Variants in KCNG3 observed in about 807,000 individuals in gnomAD.
KCNG3 encodes the protein voltage-gated potassium channel regulatory subunit KCNG3.
A neutral mutation model predicts 29.0 loss-of-function variants in KCNG3; 15 were observed. The ratio of observed to expected loss-of-function variants is 0.52; its 90% confidence interval spans 0.35 to 0.80. The LOEUF is 0.80. Ranked by LOEUF, KCNG3 falls within the 30% of genes least tolerant of loss-of-function variation. The probability of loss-of-function intolerance (pLI) is 0.01; values close to 1 mark genes in which losing one functional copy is unlikely to be tolerated. For synonymous variants in KCNG3, 322 were observed against 248.9 expected (o/e 1.29, Z -2.76); for missense variants, 512 against 605.7 (o/e 0.85, Z 1.62).
intron 1 of KCNG3, among the ~76,000 whole-genome samples, chr2:42,469,465 T>A (rs926626314): frequency 2.2e-4 from 33 of 147,850 alleles, no homozygotes; most frequent in Middle Eastern, 3.6e-3. Flanking sequence ...TAGATCCACA[T>A]ACCCACAGAA....
chr2:42,422,516 A>C, the KCNG3 span, among the ~76,000 whole-genome samples: 3 of 152,088 alleles, frequency 2.0e-5, no homozygotes, highest in African/African-American at 7.2e-5. Flanking sequence ...CAATACTCCT[A>C]ATCAGTACAT....
the KCNG3 span, among the ~76,000 whole-genome samples, chr2:42,430,017 T>C: frequency 1.8e-4 from 28 of 152,146 alleles, no homozygotes; most frequent in Admixed American, 1.8e-3. Context: ...GAGAAAGATA[T>C]ATTTTTGAGA....
chr2:42,441,638 A>G (rs1385476747), downstream of KCNG3, among the ~76,000 whole-genome samples: 3 of 108,534 alleles, frequency 2.8e-5, no homozygotes, highest in Admixed American at 2.1e-4. Flanking sequence ...AATCACCAAC[A>G]AGAGATTTCA....
At chr2:42,420,739 G>A in the KCNG3 span, among the ~76,000 whole-genome samples, 3 of 152,026 alleles carry the variant, frequency 2.0e-5, no homozygotes, top group African/African-American at 2.4e-5. Flanking sequence ...GCAGTGAGCC[G>A]AGATCATGCC....
At chr2:42,470,602 C>T (rs182994740) in intron 1 of KCNG3, among the ~76,000 whole-genome samples, 38 of 152,282 alleles carry the variant, frequency 2.5e-4, no homozygotes, top group Admixed American at 5.2e-4. Flanking sequence ...GGATCAAGCA[C>T]GGTGGCTCAC....
At chr2:42,458,636 TAATTC>T (rs1672938139) in intron 1 of KCNG3, among the ~76,000 whole-genome samples, 1 of 152,220 alleles carries the variant, frequency 6.6e-6, no homozygotes, top group African/African-American at 2.4e-5. Context: ...CCTTTTGGCA[TAATTC>T]AATATTCAAC....
downstream of KCNG3, among the ~76,000 whole-genome samples, chr2:42,437,547 T>G (rs953986634): frequency 2.6e-5 from 4 of 152,196 alleles, no homozygotes; most frequent in South Asian, 2.1e-4. Flanking sequence ...ATTTTATGAT[T>G]TGCATTTTAC....
chr2:42,395,362 G>T, the KCNG3 span, among the ~76,000 whole-genome samples: 1 of 152,198 alleles, frequency 6.6e-6, no homozygotes, highest in African/African-American at 2.4e-5. Context: ...GGTAGTAGCA[G>T]TGAGTGGGGA....
the KCNG3 span, among the ~76,000 whole-genome samples, chr2:42,390,004 G>A: frequency 6.6e-6 from 1 of 152,176 alleles, no homozygotes; most frequent in Non-Finnish European, 1.5e-5. Flanking sequence ...TTTAGAGAAA[G>A]TGACCATGGT....
At chr2:42,406,232 T>C in the KCNG3 span, among the ~76,000 whole-genome samples, 1 of 152,006 alleles carries the variant, frequency 6.6e-6, no homozygotes, top group Non-Finnish European at 1.5e-5. Context: ...TAATTTTTTT[T>C]TTTTAAGATG....
At chr2:42,482,389 G>C (rs1165956683) in intron 1 of KCNG3, among the ~76,000 whole-genome samples, 1 of 152,094 alleles carries the variant, frequency 6.6e-6, no homozygotes, top group Non-Finnish European at 1.5e-5. Context: ...GACCAGAATG[G>C]AAACACAGAG....
intron 1 of KCNG3, among the ~76,000 whole-genome samples, chr2:42,487,328 ATTTCTTTTTTTTTTC>A (rs1195152739): frequency 7.1e-6 from 1 of 141,778 alleles, no homozygotes; most frequent in East Asian, 2.0e-4. Flanking sequence ...AAAAGAGCTA[ATTTCTTTTTTTTTTC>A]TTTCTTTTTT....
chr2:42,427,773 T>C, the KCNG3 span, among the ~76,000 whole-genome samples: 1 of 152,238 alleles, frequency 6.6e-6, no homozygotes, highest in Non-Finnish European at 1.5e-5. Context: ...TTTAAAAATC[T>C]ACATTCTGTT....
the KCNG3 span, among the ~76,000 whole-genome samples, chr2:42,389,632 C>T: frequency 6.6e-6 from 1 of 152,172 alleles, no homozygotes; most frequent in African/African-American, 2.4e-5. Context: ...TCTGAAAACA[C>T]CTCACCCAGT....
the KCNG3 span, among the ~76,000 whole-genome samples, chr2:42,424,028 C>A: frequency 3.3e-5 from 5 of 152,146 alleles, no homozygotes; most frequent in African/African-American, 1.2e-4. Flanking sequence ...TCCTCTTTCC[C>A]CAGAGCCTTT....
At chr2:42,411,832 T>A in the KCNG3 span, among the ~76,000 whole-genome samples, 1 of 152,232 alleles carries the variant, frequency 6.6e-6, no homozygotes, top group South Asian at 2.1e-4. Context: ...TTGTACTTGC[T>A]ACCATCAATT....
the KCNG3 span, among the ~76,000 whole-genome samples, chr2:42,416,953 A>G: frequency 6.6e-6 from 1 of 152,076 alleles, no homozygotes; most frequent in African/African-American, 2.4e-5. Context: ...TTAATTATAT[A>G]AAAACATAAA....
At chr2:42,409,296 G>T in the KCNG3 span, among the ~76,000 whole-genome samples, 1 of 152,100 alleles carries the variant, frequency 6.6e-6, no homozygotes, top group Non-Finnish European at 1.5e-5. Context: ...TATAATTGCT[G>T]CCACCCAAAT....
At chr2:42,463,786 A>C (rs925001551) in intron 1 of KCNG3, 5 of 191,398 alleles carry the variant, frequency 2.6e-5, no homozygotes, top group Non-Finnish European at 5.4e-5. Context: ...ATTTCTCCAT[A>C]ACTGTCAGGC....
Sources: allele counts gnomAD v4.1 joint callset (sites outside exome capture counted in the v4.1 genomes callset), GRCh38; gene constraint gnomAD v4.1.1; transcripts MANE v1.5; gene names NCBI Gene and HGNC (gene_info 2026-07-23, HGNC 2026-07-21).